Variants in ZNF627 observed in about 807,000 individuals in gnomAD.
ZNF627 encodes the protein zinc finger protein 627.
A neutral mutation model predicts 10.6 loss-of-function variants in ZNF627; 12 were observed. The observed-to-expected ratio is 1.13, with a 90% confidence interval of 0.73 to 1.84. The LOEUF (loss-of-function observed/expected upper bound fraction) is 1.84, where lower values mean the gene tolerates loss of function less well. Among genes scored for constraint, ZNF627 ranks in the 40% most tolerant of loss-of-function variants. The pLI is 0.00. For synonymous variants in ZNF627, 176 were observed against 187.1 expected (o/e 0.94, Z 0.48); for missense variants, 504 against 568.4 (o/e 0.89, Z 1.15).
intron 1 of ZNF627, 74 bp from the exon 2 acceptor site, chr19:11,614,450 ACTT>A: frequency 6.3e-7 from 1 of 1,592,124 alleles, no homozygotes; most frequent in Non-Finnish European, 8.5e-7. Flanking sequence ...CATCCTGAGA[ACTT>A]CTTGGGAATA....
intron 1 of ZNF627, among the ~76,000 whole-genome samples, chr19:11,607,302 A>T (rs988434149): frequency 1.3e-5 from 2 of 151,474 alleles, no homozygotes; most frequent in Non-Finnish European, 2.9e-5. Flanking sequence ...ACGGCCAGCT[A>T]ATTCTATATA....
chr19:11,615,709 C>G (rs1275070098), intron 3 of ZNF627, among the ~76,000 whole-genome samples: 1 of 143,930 alleles, frequency 6.9e-6, no homozygotes, highest in Non-Finnish European at 1.5e-5. Context: ...AAACTTCATA[C>G]GAATATCTTT....
intron 1 of ZNF627, among the ~76,000 whole-genome samples, chr19:11,612,004 T>C (rs1287567860): frequency 3.3e-5 from 5 of 152,154 alleles, no homozygotes; most frequent in Non-Finnish European, 4.4e-5. Context: ...TCCAAAAAAA[T>C]GGCCTGCATA....
At position 11,606,751 on chromosome 19, in the gene ZNF627, G is replaced by A. The variant is rs147686725; in HGVS notation, c.4-7776G>A. 5.6e-3 allele frequency among the ~76,000 whole-genome samples: 859 copies of A among 152,306 alleles called. 9 individuals carry two copies. The highest frequency in any genetic ancestry group is 0.02 in the African/African-American group (825 of 41,572). On this transcript the variant is annotated intron_variant, in intron 1 of 3. Coordinates refer to ENST00000361113, the MANE Select transcript of ZNF627 (RefSeq NM_145295.4). Reference sequence around the variant, plus strand: ...GTTTTTGTACATCTTCTGAAATCTCGGCAGAGGTTCCCAAACCTCAATTCT... The same window carrying A: ...GTTTTTGTACATCTTCTGAAATCTCAGCAGAGGTTCCCAAACCTCAATTCT...
intron 1 of ZNF627, among the ~76,000 whole-genome samples, chr19:11,613,819 T>A (rs1973819667): frequency 6.6e-6 from 1 of 152,116 alleles, no homozygotes; most frequent in Admixed American, 6.6e-5. Flanking sequence ...AGTACCCAGA[T>A]ACTGTCAAAG....
chr19:11,614,377 A>C, intron 1 of ZNF627, 150 bp from the exon 2 acceptor site: 1 of 1,249,160 alleles, frequency 8.0e-7, no homozygotes, highest in Non-Finnish European at 1.1e-6. Context: ...GAAGGAAGTG[A>C]GTCTAGACAG....
intron 1 of ZNF627, among the ~76,000 whole-genome samples, chr19:11,605,457 G>A (rs1973658507): frequency 6.6e-6 from 1 of 152,060 alleles, no homozygotes; most frequent in Admixed American, 6.6e-5. Context: ...AGGTCAGTAT[G>A]GCTGGGGAGG....
intron 3 of ZNF627, 128 bp from the exon 4 acceptor site, chr19:11,616,567 C>G (rs1470488187): frequency 4.5e-6 from 3 of 664,034 alleles, no homozygotes; most frequent in Non-Finnish European, 7.0e-6. Context: ...GGGTTCACGC[C>G]TGGGCAACAT....
rs1170631477 is a variant in ZNF627, at chr19:11,616,939, C to T, written c.436C>T (p.Arg146Ter). ...GTCATATACACGTAACCAGTGTGGA[C>T]GAGCCTTGAGTTATCATCGCTCTTT... is the stretch of plus-strand genomic sequence containing the variant. Reference protein sequence around the residue: ...KKSYTRNQCGRALSYHRSFPV... With the variant: ...KKSYTRNQCG The change falls in exon 4 of 4, where the codon CGA (arginine) becomes TGA (stop). Residue 146 changes from arginine to a stop codon, truncating the protein, a stop_gained. Coordinates refer to ENST00000361113, the MANE Select transcript of ZNF627 (RefSeq NM_145295.4). LOFTEE classifies it low-confidence loss of function (END_TRUNC). 2.5e-6 allele frequency: 4 copies of T among 1,614,086 alleles called. No homozygotes were observed. The highest frequency in any genetic ancestry group is 3.4e-6 in the Non-Finnish European group (4 of 1,180,004).
chr19:11,617,547 T>C lies in ZNF627; in HGVS notation c.1044T>C (p.Ser348=), dbSNP rs370484828. ...KVCGKAFDFP[S]SFRIHERTHT... The stretch of plus-strand genomic sequence containing the variant: ...GTGGGAAAGCCTTTGATTTCCCCAG[T>C]TCATTTCGAATCCATGAAAGGACCC... Residue 348 remains serine (S), a synonymous_variant, in exon 4 of 4, where the codon AGT becomes AGC. Transcript: ENST00000361113. The C allele has an allele frequency of 6.2e-7, 1 of 1,613,586 alleles. No homozygotes were observed. The highest frequency in any genetic ancestry group is 8.5e-7 in the Non-Finnish European group (1 of 1,179,910).
At chr19:11,608,793 A>G (rs998211256) in intron 1 of ZNF627, among the ~76,000 whole-genome samples, 1 of 152,208 alleles carries the variant, frequency 6.6e-6, no homozygotes, top group African/African-American at 2.4e-5. Flanking sequence ...CTGGGATTAC[A>G]GGTGTGTTCC....
intron 1 of ZNF627, among the ~76,000 whole-genome samples, chr19:11,606,070 G>C (rs983941777): frequency 2.0e-5 from 3 of 152,084 alleles, no homozygotes; most frequent in Non-Finnish European, 4.4e-5. Flanking sequence ...GGCCAGGCGC[G>C]GTGGCTCACA....
In ZNF627 at chr19:11,614,838, G is replaced by A. The variant is rs919450420; in HGVS notation, c.142G>A (p.Glu48Lys). 1 of 1,605,226 alleles carries A rather than the reference G, an allele frequency of 6.2e-7. No individual in the cohort carries two copies. Among genetic ancestry groups the A allele is most frequent in the East Asian group, 2.2e-5 (1 of 44,820 alleles). Residue 48 changes from glutamate to lysine, a missense_variant, in exon 3 of 4, where the codon GAA becomes AAA. By Grantham distance (56) the Glu-to-Lys change is moderately conservative. Coordinates refer to ENST00000361113, the MANE Select transcript of ZNF627 (RefSeq NM_145295.4). ...GGTCTAAATTTTAGGAAAACAATGG[G>A]AAGACCAGAACATTGAAGACCCATT... ...RNLASVGKQWEDQNIEDPFKI... is the reference protein window; with the variant it reads ...RNLASVGKQWKDQNIEDPFKI...
intron 3 of ZNF627, among the ~76,000 whole-genome samples, chr19:11,615,182 G>A (rs1184257246): frequency 1.4e-5 from 2 of 147,480 alleles, no homozygotes; most frequent in Middle Eastern, 3.2e-3. Flanking sequence ...TCTTGACCTC[G>A]TGATCTGCCT....
At chr19:11,611,782 G>A (rs1304176872) in intron 1 of ZNF627, among the ~76,000 whole-genome samples, 1 of 152,136 alleles carries the variant, frequency 6.6e-6, no homozygotes, top group African/African-American at 2.4e-5. Flanking sequence ...TATTGAAAGG[G>A]TAAAGCAGAG....
At chr19:11,613,387 C>G (rs1019537152) in intron 1 of ZNF627, among the ~76,000 whole-genome samples, 1 of 150,398 alleles carries the variant, frequency 6.6e-6, no homozygotes, top group Admixed American at 6.7e-5. Context: ...CTGCCATAAG[C>G]AGGAAGCAAT....
At chr19:11,605,015 G>C (rs914803447) in intron 1 of ZNF627, among the ~76,000 whole-genome samples, 11 of 151,726 alleles carry the variant, frequency 7.2e-5, no homozygotes, top group African/African-American at 2.7e-4. Context: ...GCTCTGAGGA[G>C]CTTGACTCAA....
intron 1 of ZNF627, among the ~76,000 whole-genome samples, chr19:11,602,143 C>G (rs969162134): frequency 3.3e-5 from 5 of 151,626 alleles, no homozygotes; most frequent in African/African-American, 1.2e-4. Context: ...AAAATCCCAC[C>G]TAGATCCTGA....
At chr19:11,603,060 C>T (rs1599654326) in intron 1 of ZNF627, among the ~76,000 whole-genome samples, 1 of 152,220 alleles carries the variant, frequency 6.6e-6, no homozygotes, top group South Asian at 2.1e-4. Flanking sequence ...TTGGCTCTTC[C>T]TCTTTTGAAT....
Sources: allele counts gnomAD v4.1 joint callset (sites outside exome capture counted in the v4.1 genomes callset), GRCh38; gene constraint gnomAD v4.1.1; transcripts MANE v1.5; gene names NCBI Gene and HGNC (gene_info 2026-07-23, HGNC 2026-07-21).